The following DOT1L variants were observed in gnomAD, a reference collection of about 807,000 sequenced individuals.
The protein encoded by DOT1L is histone-lysine N-methyltransferase, H3 lysine-79 specific.
Under a neutral mutation model 153.3 loss-of-function variants are expected in DOT1L, and 33 were observed. That is an observed-to-expected ratio of 0.22 (90% CI 0.16 to 0.29). The LOEUF is 0.29. Ranked by LOEUF, DOT1L falls within the 10% of genes least tolerant of loss-of-function variation. The pLI is 1.00. For missense variants in DOT1L, 1,847 were observed against 2,119.9 expected, an observed-to-expected ratio of 0.87 and a Z score of 2.53; for synonymous variants, 1,135 against 965.1, an observed-to-expected ratio of 1.18 and a Z score of -3.26.
intron 8 of DOT1L, 142 bp downstream of exon 8, chr19:2,200,081 C>A (rs962340057): frequency 1.8e-6 from 2 of 1,121,878 alleles, no homozygotes; most frequent in Non-Finnish European, 1.3e-6. Context: ...AGGAAGGGCG[C>A]CTTTCCCTCA....
Position 2,191,717 on chromosome 19 carries a change from C to T in DOT1L, c.493+477C>T, listed in dbSNP as rs372588333. Among the ~76,000 whole-genome samples, 62 of 151,950 alleles carry T rather than the reference C, an allele frequency of 4.1e-4. No individual in the cohort carries two copies. Among genetic ancestry groups the T allele is most frequent in the Non-Finnish European group, 6.9e-4 (47 of 67,958 alleles). On this transcript the variant is annotated intron_variant, in intron 5 of 27. Coordinates refer to ENST00000398665, the MANE Select transcript of DOT1L (RefSeq NM_032482.3). This position sits in a 1 kb window ranked among gnomAD's most constrained non-coding sequence, Gnocchi z 6.8. ...AGGTCCCTGGGCTCCCGGAGGCCCT[C>T]GCGCCCTCCCTGCATCCCCAGTCTC...
intron 1 of DOT1L, among the ~76,000 whole-genome samples, chr19:2,167,805 C>T (rs2019984246): frequency 6.6e-6 from 1 of 151,054 alleles, no homozygotes; most frequent in African/African-American, 2.4e-5. Flanking sequence ...GCACAATCTC[C>T]ACTCACTGCA....
At position 2,189,795 on chromosome 19, in the gene DOT1L, G is replaced by A. The variant is rs2144736643; in HGVS notation, c.264G>A (p.Leu88=). 1 of 1,612,028 alleles carries A rather than the reference G, an allele frequency of 6.2e-7. No homozygotes were observed. Among genetic ancestry groups the A allele is most frequent in the South Asian group, 1.1e-5 (1 of 91,086 alleles). Reference sequence around the variant, plus strand: ...GTGCCATCGACAGCATCCACCAGCTGGTAGGTGGCTTGCCCCTGCCCAGAG... The same window carrying A: ...GTGCCATCGACAGCATCCACCAGCTAGTAGGTGGCTTGCCCCTGCCCAGAG... ...YNRAIDSIHQ[L]WKGTTQPMKL... Residue 88 remains leucine (L), a splice_region_variant and synonymous_variant, in exon 4 of 28, where the codon CTG becomes CTA. Coordinates refer to ENST00000398665, the MANE Select transcript of DOT1L (RefSeq NM_032482.3).
chr19:2,228,802 G>T lies in DOT1L; in HGVS notation c.4607-983G>T, dbSNP rs952936488. 4 of 985,328 alleles carry T rather than the reference G, an allele frequency of 4.1e-6. No homozygotes were observed. The African/African-American group carries it at 7.0e-5, about 17-fold the overall frequency. The allele number at this position is 985,328 out of a possible 1,614,324, so 61.0% of individuals were successfully genotyped here. On this transcript the variant is annotated intron_variant, in intron 27 of 27. Transcript: ENST00000398665. ...CTTGGTGCTGTTCCCCAGGCGCCCA[G>T]CATGTAGCAGGCACGGTGCCGGCTG...
chr19:2,183,826 C>T (rs2022358160), intron 2 of DOT1L, among the ~76,000 whole-genome samples: 1 of 152,062 alleles, frequency 6.6e-6, no homozygotes, highest in African/African-American at 2.4e-5. Flanking sequence ...AGGGTTTCAC[C>T]ATGTTGATCA....
rs1049038737 is a variant in DOT1L at position 2,193,119 on chromosome 19, C to T, written c.494-570C>T. On this transcript the variant is annotated intron_variant, in intron 5 of 27. Coordinates refer to ENST00000398665, the MANE Select transcript of DOT1L (RefSeq NM_032482.3). The surrounding 1 kb of genome is among the most constrained non-coding windows in gnomAD (Gnocchi z 5.9). The stretch of plus-strand genomic sequence containing the variant: ...GGCGTATCTGCAGCCCCTGTTCCCT[C>T]CTTCTCCCTTAGAGCCGGGTGTTGC... Among the ~76,000 whole-genome samples the T allele has an allele frequency of 1.8e-4, 28 of 152,222 alleles. No homozygotes were observed. Among genetic ancestry groups the T allele is most frequent in the African/African-American group, 6.3e-4 (26 of 41,454 alleles).
intron 1 of DOT1L, among the ~76,000 whole-genome samples, chr19:2,169,851 T>C (rs1169976379): frequency 2.0e-5 from 3 of 152,084 alleles, no homozygotes; most frequent in Non-Finnish European, 2.9e-5. Context: ...AAATAAAAAG[T>C]TTAATTAAAA....
chr19:2,185,789 A>AACAAAAC (rs1555717749), intron 2 of DOT1L, 66 bp from the exon 3 acceptor site: 4 of 1,570,708 alleles, frequency 2.5e-6, no homozygotes, highest in African/African-American at 2.7e-5. Context: ...CAAAAACAAA[A>AACAAAAC]ACAAAACACA....
At chr19:2,205,164 G>C (rs1215886038) in intron 9 of DOT1L, among the ~76,000 whole-genome samples, 1 of 152,034 alleles carries the variant, frequency 6.6e-6, no homozygotes, top group South Asian at 2.1e-4. Context: ...GTAGAGACAG[G>C]GTTTCACTGT....
At chr19:2,225,599 G>A in intron 26 of DOT1L, 147 bp downstream of exon 26, 2 of 916,082 alleles carry the variant, frequency 2.2e-6, no homozygotes, top group Middle Eastern at 2.3e-4. Context: ...GTGCTGGCCT[G>A]CTGCGTCGTG....
chr19:2,222,981 C>T lies in DOT1L; in HGVS notation c.3391-300C>T, dbSNP rs562579440. 109 of 455,204 alleles carry T rather than the reference C, an allele frequency of 2.4e-4. No homozygotes were observed. The highest frequency in any genetic ancestry group is 1.8e-3 in the African/African-American group (88 of 49,804). The allele number at this position is 455,204 out of a possible 1,614,324, so 28.2% of individuals were successfully genotyped here. On this transcript the variant is annotated intron_variant, in intron 24 of 27. Coordinates refer to ENST00000398665, the MANE Select transcript of DOT1L (RefSeq NM_032482.3). This position sits in a 1 kb window ranked among gnomAD's most constrained non-coding sequence, Gnocchi z 6.5. ...GCCTGGCAGCCTGGGAAGAGGCGGC[C>T]GACAGCTGTCTCTGGGGTTCGGAGT... is the stretch of plus-strand genomic sequence containing the variant.
At chr19:2,178,277 C>T (rs2022051367) in intron 1 of DOT1L, among the ~76,000 whole-genome samples, 1 of 144,706 alleles carries the variant, frequency 6.9e-6, no homozygotes, top group East Asian at 2.0e-4. Context: ...TGGCGTTTCA[C>T]CATGTCTTTG....
intron 1 of DOT1L, among the ~76,000 whole-genome samples, chr19:2,171,578 G>A (rs899173900): frequency 1.3e-5 from 2 of 152,240 alleles, no homozygotes; most frequent in Non-Finnish European, 2.9e-5. Flanking sequence ...GACGCCAAGA[G>A]CTGTGCCTTT....
chr19:2,211,041 C>G (rs1034631959), intron 14 of DOT1L, 58 bp from the exon 15 acceptor site: 1 of 1,548,162 alleles, frequency 6.5e-7, no homozygotes, highest in Non-Finnish European at 8.9e-7. Context: ...ATGCTGACGC[C>G]TCTGCCCACC....
At chr19:2,218,441 T>C (rs988696639) in intron 22 of DOT1L, among the ~76,000 whole-genome samples, 2 of 152,254 alleles carry the variant, frequency 1.3e-5, no homozygotes, top group Admixed American at 6.5e-5. Context: ...TCGCCCAGGC[T>C]GGAGTGCAGT....
At chr19:2,211,595 C>T (rs1046325984) in intron 15 of DOT1L, among the ~76,000 whole-genome samples, 156 bp from the exon 16 acceptor site, 1 of 152,146 alleles carries the variant, frequency 6.6e-6, no homozygotes, top group Admixed American at 6.5e-5. Flanking sequence ...GAGCTTGGGG[C>T]GTGTGGCATG....
intron 4 of DOT1L, 127 bp downstream of exon 4, chr19:2,189,922 C>T (rs1057124392): frequency 1.7e-5 from 18 of 1,042,610 alleles, no homozygotes; most frequent in South Asian, 2.7e-5. Context: ...GAATGTGCAG[C>T]GTGGGGGGAC....
At position 2,220,786 on chromosome 19, in the gene DOT1L, G is replaced by A. The variant is rs2024088488; in HGVS notation, c.2806+564G>A. 4 of 343,124 alleles carry A rather than the reference G, an allele frequency of 1.2e-5. 1 individual carries two copies. In the Middle Eastern group the frequency reaches 4.2e-3, roughly 362 times the overall value. 21.3% of individuals were successfully genotyped at this position (343,124 alleles called of 1,614,324 possible). A position where few individuals can be genotyped will look rare whatever the true frequency, so the allele number is the denominator to read the frequency against. ...GGCATGGCTGTGTGCCAGCAAAACT[G>A]TACTTAAAACAGCAGAGGACATGAG... On this transcript the variant is annotated intron_variant, in intron 23 of 27. Coordinates refer to ENST00000398665, the MANE Select transcript of DOT1L (RefSeq NM_032482.3). The surrounding 1 kb of genome is among the most constrained non-coding windows in gnomAD (Gnocchi z 4.5).
rs2023604425 is a variant in DOT1L at position 2,208,867 on chromosome 19, G to A, written c.964-68G>A. On this transcript the variant is annotated intron_variant, in intron 11 of 27. Coordinates refer to ENST00000398665, the MANE Select transcript of DOT1L (RefSeq NM_032482.3). The surrounding 1 kb of genome is among the most constrained non-coding windows in gnomAD (Gnocchi z 4.4). ...CTGTCCAGGTTGCTGTTGTTACCTG[G>A]GTGTCCAGACAAATCCGAACAGAGA... 6.5e-7 allele frequency: 1 copy of A among 1,533,530 alleles called. No homozygotes were observed. The highest frequency in any genetic ancestry group is 2.3e-5 in the East Asian group (1 of 43,704). The allele number at this position is 1,533,530 out of a possible 1,614,324, so 95.0% of individuals were successfully genotyped here. A position where few individuals can be genotyped will look rare whatever the true frequency, so the allele number is the denominator to read the frequency against.
Sources: allele counts gnomAD v4.1 joint callset (sites outside exome capture counted in the v4.1 genomes callset), GRCh38; gene constraint gnomAD v4.1.1; non-coding constraint Gnocchi (gnomAD v3.1); transcripts MANE v1.5; gene names NCBI Gene and HGNC (gene_info 2026-07-23, HGNC 2026-07-21).